The following RALGPS2 variants were observed in gnomAD, a reference collection of about 807,000 sequenced individuals.
RALGPS2 encodes Ral GEF with PH domain and SH3 binding motif 2.
A neutral mutation model predicts 86.8 loss-of-function variants in RALGPS2; 43 were observed. The ratio of observed to expected loss-of-function variants is 0.50; its 90% CI spans 0.39 to 0.64. The LOEUF (loss-of-function observed/expected upper bound fraction) is 0.64, where lower values mean the gene tolerates loss of function less well. RALGPS2 is among the 30% of genes least tolerant of loss of function. The pLI is 0.00. For synonymous variants in RALGPS2, 243 were observed against 231.3 expected (o/e 1.05, Z -0.46); for missense variants, 536 against 694.6 (o/e 0.77, Z 2.57).
Position 178,897,808 on chromosome 1 carries a change from T to A in RALGPS2, c.1524+52T>A, listed in dbSNP as rs573054437. ...GCGTGGTTTCCCAGACTGTTCATGG[T>A]TATAAAGAAAGCAGTCCTAATGGGA... On this transcript the variant is annotated intron_variant, in intron 17 of 19. Transcript: ENST00000367635. The A allele has an allele frequency of 3.3e-4, 493 of 1,515,366 alleles. 7 individuals carry two copies. In the South Asian group the frequency reaches 5.4e-3, roughly 16 times the overall value. The allele number at this position is 1,515,366 out of a possible 1,614,324, so 93.9% of individuals were successfully genotyped here. A position where few individuals can be genotyped will look rare whatever the true frequency, so the allele number is the denominator to read the frequency against.
At chr1:178,811,484 A>T (rs564013639) in intron 6 of RALGPS2, 80 bp downstream of exon 6, 6 of 1,027,168 alleles carry the variant, frequency 5.8e-6, no homozygotes, top group Middle Eastern at 4.3e-4. Context: ...GTGATGCTTT[A>T]TTCACTGTTT....
intron 1 of RALGPS2, among the ~76,000 whole-genome samples, chr1:178,745,351 G>C (rs1288762853): frequency 2.0e-5 from 3 of 152,102 alleles, no homozygotes; most frequent in Non-Finnish European, 2.9e-5. Context: ...CAAAGTTGGA[G>C]GTCTAATGCT....
At chr1:178,816,057 A>G (rs1345391503) in intron 6 of RALGPS2, among the ~76,000 whole-genome samples, 1 of 152,112 alleles carries the variant, frequency 6.6e-6, no homozygotes, top group East Asian at 1.9e-4. Flanking sequence ...TGGAGTATGC[A>G]TTGAGTTTTC....
chr1:178,799,561 C>G (rs115658624), intron 4 of RALGPS2, among the ~76,000 whole-genome samples: 1 of 152,002 alleles, frequency 6.6e-6, no homozygotes, highest in South Asian at 2.1e-4. Context: ...ACCAGCTGCC[C>G]GTCTTTGGAT....
chr1:178,883,544 A>G lies in RALGPS2; in HGVS notation c.904+11A>G. 3 of 1,599,490 alleles carry G rather than the reference A, an allele frequency of 1.9e-6. No individual in the cohort carries two copies. Among genetic ancestry groups the G allele is most frequent in the Non-Finnish European group, 2.6e-6 (3 of 1,166,988 alleles). ...GAGAAGATTTAGTAGGTCAGTACGT[A>G]GTTTTCTCTTGTTACCAAATCTAAA... On this transcript the variant is annotated intron_variant, in intron 11 of 19. Coordinates refer to ENST00000367635, the MANE Select transcript of RALGPS2 (RefSeq NM_152663.5).
At chr1:178,829,781 A>G (rs1010941059) in intron 7 of RALGPS2, among the ~76,000 whole-genome samples, 4 of 151,878 alleles carry the variant, frequency 2.6e-5, no homozygotes, top group South Asian at 2.1e-4. Context: ...GTCTCGCTCT[A>G]TCACCCAGGC....
chr1:178,826,273 C>CA (rs1655739074), intron 7 of RALGPS2, among the ~76,000 whole-genome samples: 1 of 152,146 alleles, frequency 6.6e-6, no homozygotes, highest in South Asian at 2.1e-4. Flanking sequence ...ACATTATTCA[C>CA]ATAGTCAAAA....
At chr1:178,739,845 A>C (rs1650920805) in intron 1 of RALGPS2, among the ~76,000 whole-genome samples, 1 of 152,198 alleles carries the variant, frequency 6.6e-6, no homozygotes, top group Non-Finnish European at 1.5e-5. Flanking sequence ...TTGTTTATCT[A>C]AACAGTTTGG....
chr1:178,857,706 G>T (rs994873994), intron 8 of RALGPS2, among the ~76,000 whole-genome samples: 1 of 151,890 alleles, frequency 6.6e-6, no homozygotes, highest in Non-Finnish European at 1.5e-5. Flanking sequence ...TATCATTTTC[G>T]TAAATGTTTA....
intron 15 of RALGPS2, among the ~76,000 whole-genome samples, chr1:178,893,371 G>T (rs1051278622): frequency 2.7e-5 from 4 of 150,770 alleles, no homozygotes. Context: ...AAAATGTATT[G>T]CAGAAAGCTA....
chr1:178,778,840 A>G (rs562861827), intron 2 of RALGPS2, among the ~76,000 whole-genome samples: 5 of 152,290 alleles, frequency 3.3e-5, no homozygotes, highest in East Asian at 1.9e-4. Context: ...TGGGAATTGA[A>G]CAATGAGAAA....
At chr1:178,881,544 G>A (rs929484442) in intron 10 of RALGPS2, among the ~76,000 whole-genome samples, 1 of 152,080 alleles carries the variant, frequency 6.6e-6, no homozygotes, top group African/African-American at 2.4e-5. Flanking sequence ...CCGCCGCCTG[G>A]GGTTCAAGCA....
intron 1 of RALGPS2, among the ~76,000 whole-genome samples, chr1:178,760,524 G>A (rs552738967): frequency 1.1e-4 from 16 of 152,166 alleles, no homozygotes; most frequent in South Asian, 2.1e-4. Flanking sequence ...TGTTCCCTTT[G>A]CATGATCTTT....
intron 16 of RALGPS2, chr1:178,894,232 T>A (rs1374686273): frequency 1.6e-5 from 6 of 377,766 alleles, no homozygotes; most frequent in Non-Finnish European, 2.8e-5. Context: ...CAAACCAAAT[T>A]ACCATCATTT....
In RALGPS2 at chr1:178,800,815, C is replaced by A. The variant is rs183303507; in HGVS notation, c.214-7230C>A. 1.1e-4 allele frequency among the ~76,000 whole-genome samples: 17 copies of A among 152,146 alleles called. 1 individual carries two copies. The East Asian group carries it at 3.3e-3, about 29-fold the overall frequency. On this transcript the variant is annotated intron_variant, in intron 4 of 19. Transcript: ENST00000367635. The stretch of plus-strand genomic sequence containing the variant: ...TCTATATATGGTTGACTTAATTTCC[C>A]CAACTTTGAGACGAAAGATGTTTGA...
intron 13 of RALGPS2, among the ~76,000 whole-genome samples, chr1:178,887,222 A>G (rs1659528627): frequency 6.6e-6 from 1 of 152,172 alleles, no homozygotes; most frequent in Non-Finnish European, 1.5e-5. Context: ...GGAGGCCCAG[A>G]TGGGCAGATC....
intron 6 of RALGPS2, among the ~76,000 whole-genome samples, chr1:178,820,822 G>A (rs1363044732): frequency 2.0e-5 from 3 of 152,046 alleles, no homozygotes; most frequent in Non-Finnish European, 4.4e-5. Flanking sequence ...AATTTATTTT[G>A]TTTTTATTTG....
rs760978648 is a variant in RALGPS2 at position 178,747,288 on chromosome 1, G to C, written c.-84+21869G>C. On this transcript the variant is annotated intron_variant, in intron 1 of 19. Coordinates refer to ENST00000367635, the MANE Select transcript of RALGPS2 (RefSeq NM_152663.5). ...AAATTGAGAAATGAAGCTGGTGATT[G>C]AGGGACTCCAAAATCTGGCCAAGTA... 327 of 1,521,556 alleles carry C rather than the reference G, an allele frequency of 2.1e-4. 2 individuals carry two copies. Among genetic ancestry groups the C allele is most frequent in the Middle Eastern group, 1.0e-3 (6 of 5,786 alleles). The allele number at this position is 1,521,556 out of a possible 1,614,324, so 94.3% of individuals were successfully genotyped here. A position where few individuals can be genotyped will look rare whatever the true frequency, so the allele number is the denominator to read the frequency against.
chr1:178,847,160 A>C (rs1656906818), intron 8 of RALGPS2, among the ~76,000 whole-genome samples: 1 of 152,188 alleles, frequency 6.6e-6, no homozygotes, highest in Admixed American at 6.5e-5. Context: ...TAAAACTAAA[A>C]AGTGGCCGGG....
Sources: gnomAD v4.1 joint callset for allele counts (sites outside exome capture counted in the v4.1 genomes callset) on GRCh38, gnomAD v4.1.1 for gene constraint, MANE v1.5 for transcripts, NCBI Gene and HGNC (gene_info 2026-07-23, HGNC 2026-07-21) for gene names.